TSPAN19: variants seen among roughly 807,000 people sequenced by gnomAD.
TSPAN19 encodes tetraspanin 19.
In TSPAN19, 44 loss-of-function variants were observed where a neutral mutation model predicts 35.1. The observed-to-expected ratio is 1.25, with a 90% confidence interval of 0.98 to 1.61. The LOEUF is 1.61. TSPAN19 is among the 40% of genes most tolerant of loss of function. The pLI is 0.00. For synonymous variants in TSPAN19, 79 were observed against 92.0 expected (o/e 0.86, Z 0.81); for missense variants, 290 against 280.0 (o/e 1.04, Z -0.26).
chr12:85,035,906 A>T (rs1877980615), intron 1 of TSPAN19, among the ~76,000 whole-genome samples: 1 of 151,914 alleles, frequency 6.6e-6, no homozygotes, highest in African/African-American at 2.4e-5. Context: ...TTGATTGATG[A>T]TTTTTTTCTT....
intron 1 of TSPAN19, among the ~76,000 whole-genome samples, chr12:85,033,329 A>G (rs1338392238): frequency 6.6e-6 from 1 of 152,104 alleles, no homozygotes; most frequent in African/African-American, 2.4e-5. Context: ...ATTGTGACAA[A>G]TCTTATATGC....
chr12:85,019,770 T>C, intron 5 of TSPAN19, 34 bp from the exon 6 acceptor site: 1 of 1,250,578 alleles, frequency 8.0e-7, no homozygotes, highest in Non-Finnish European at 1.1e-6. Flanking sequence ...GAAAATTTCA[T>C]AGGAATGTAT....
rs1423031821 is a variant in TSPAN19, at chr12:85,030,010, C to A, written c.-27-37G>T. 4 of 1,316,680 alleles carry A rather than the reference C, an allele frequency of 3.0e-6. No individual in the cohort carries two copies. The East Asian group carries it at 1.0e-4, about 34-fold the overall frequency. The allele number at this position is 1,316,680 out of a possible 1,614,324, so 81.6% of individuals were successfully genotyped here. Reference sequence around the variant, plus strand: ...ACCATAACTTTTTAAACATTCTACACAACAACTTTAAATATTTCTCCCTAC... The same window carrying A: ...ACCATAACTTTTTAAACATTCTACAAAACAACTTTAAATATTTCTCCCTAC... On this transcript the variant is annotated intron_variant, in intron 1 of 8. Transcript: ENST00000532498.
At chr12:85,022,236 C>T (rs1877168330) in intron 5 of TSPAN19, among the ~76,000 whole-genome samples, 1 of 152,022 alleles carries the variant, frequency 6.6e-6, no homozygotes, top group African/African-American at 2.4e-5. Flanking sequence ...CACACACACA[C>T]ACACATACAT....
In TSPAN19 at chr12:85,027,951, C is replaced by CA; in HGVS notation, c.211dup (p.Cys71LeufsTer50). On this transcript the variant is annotated frameshift_variant, in exon 4 of 9. Coordinates refer to ENST00000532498, the MANE Select transcript of TSPAN19 (RefSeq NM_001100917.2). LOFTEE classifies it high-confidence loss of function. Reference sequence around the variant, plus strand: ...GTGAATTCCTATATAACCCAATAGACAAAAAAGAACAGTAGAAGATCCCAT... The same window carrying CA: ...GTGAATTCCTATATAACCCAATAGACAAAAAAAGAACAGTAGAAGATCCCAT... 1.3e-6 allele frequency: 2 copies of CA among 1,596,984 alleles called. No homozygotes were observed. The highest frequency in any genetic ancestry group is 1.7e-6 in the Non-Finnish European group (2 of 1,171,120).
At chr12:85,017,658 G>A in intron 6 of TSPAN19, 59 bp from the exon 7 acceptor site, 1 of 1,330,530 alleles carries the variant, frequency 7.5e-7, no homozygotes, top group Non-Finnish European at 1.0e-6. Flanking sequence ...TTAATTATAT[G>A]AGATTAATAT....
In TSPAN19 at chr12:85,016,123, A is replaced by G. The variant is rs1006339243; in HGVS notation, c.595-152T>C. On this transcript the variant is annotated intron_variant, in intron 7 of 8. Transcript: ENST00000532498. ...AATTGGCGAACTGGACTTTTAGTCCAGAAAGCTTTCTACGGCAGCAGGACA... is the reference window on the plus strand; with the variant it reads ...AATTGGCGAACTGGACTTTTAGTCCGGAAAGCTTTCTACGGCAGCAGGACA... 3.7e-5 allele frequency: 19 copies of G among 511,662 alleles called. No individual in the cohort carries two copies. In the South Asian group the frequency reaches 3.8e-4, roughly 10 times the overall value. 31.7% of individuals were successfully genotyped at this position (511,662 alleles called of 1,614,324 possible).
At chr12:85,029,369 T>C (rs1877574628) in intron 3 of TSPAN19, among the ~76,000 whole-genome samples, 1 of 152,152 alleles carries the variant, frequency 6.6e-6, no homozygotes, top group Non-Finnish European at 1.5e-5. Flanking sequence ...ACATACAATA[T>C]ATATAGTGAT....
At chr12:85,018,856 G>T (rs920319275) in intron 6 of TSPAN19, among the ~76,000 whole-genome samples, 1 of 151,766 alleles carries the variant, frequency 6.6e-6, no homozygotes, top group Admixed American at 6.6e-5. Flanking sequence ...TTATAGGGTT[G>T]GGAGGACTGA....
chr12:85,029,365 A>AAC (rs1296337799), intron 3 of TSPAN19, among the ~76,000 whole-genome samples: 2 of 152,126 alleles, frequency 1.3e-5, no homozygotes, highest in African/African-American at 2.4e-5. Context: ...TGATACATAC[A>AAC]ATATATATAG....
chr12:85,019,583 TG>T, intron 6 of TSPAN19, 42 bp downstream of exon 6: 1 of 1,190,428 alleles, frequency 8.4e-7, no homozygotes, highest in Non-Finnish European at 1.3e-6. Flanking sequence ...TGTCCCACAG[TG>T]GTCAATACTG....
chr12:85,026,386 A>G (rs1877412828), intron 4 of TSPAN19, among the ~76,000 whole-genome samples: 1 of 152,190 alleles, frequency 6.6e-6, no homozygotes, highest in South Asian at 2.1e-4. Context: ...GCCTTGGAGG[A>G]GAATAAGAAG....
chr12:85,035,996 T>G (rs1468916158), intron 1 of TSPAN19, among the ~76,000 whole-genome samples: 3 of 152,156 alleles, frequency 2.0e-5, no homozygotes, highest in African/African-American at 7.2e-5. Context: ...TCTTCCATAC[T>G]TCTATGTCCC....
intron 5 of TSPAN19, among the ~76,000 whole-genome samples, chr12:85,021,368 T>C (rs938342903): frequency 6.6e-6 from 1 of 152,054 alleles, no homozygotes; most frequent in Non-Finnish European, 1.5e-5. Flanking sequence ...GTTACTTATA[T>C]ATCTGTATTT....
At chr12:85,026,014 G>C (rs1180336667) in intron 4 of TSPAN19, among the ~76,000 whole-genome samples, 1 of 152,140 alleles carries the variant, frequency 6.6e-6, no homozygotes, top group East Asian at 1.9e-4. Flanking sequence ...TAGTATCTTG[G>C]TTCCAGGCCC....
At chr12:85,019,127 A>G (rs1876978002) in intron 6 of TSPAN19, among the ~76,000 whole-genome samples, 1 of 151,906 alleles carries the variant, frequency 6.6e-6, no homozygotes, top group South Asian at 2.1e-4. Flanking sequence ...TAGCCTTTCT[A>G]TAATATATAG....
intron 4 of TSPAN19, among the ~76,000 whole-genome samples, chr12:85,026,303 C>A (rs903629737): frequency 2.5e-4 from 38 of 152,108 alleles, no homozygotes; most frequent in Non-Finnish European, 4.4e-5. Context: ...TATCCAAAAT[C>A]TGAAGCTCAG....
intron 4 of TSPAN19, among the ~76,000 whole-genome samples, chr12:85,027,639 T>C (rs201405095): frequency 6.6e-6 from 1 of 152,102 alleles, no homozygotes; most frequent in Non-Finnish European, 1.5e-5. Flanking sequence ...CCCTAGGAGA[T>C]GGAGAGTCCT....
Position 85,023,338 on chromosome 12 carries a change from T to G in TSPAN19, c.327A>C (p.Thr109=), listed in dbSNP as rs1478442651. 6.3e-7 allele frequency: 1 copy of G among 1,583,660 alleles called. No homozygotes were observed. The highest frequency in any genetic ancestry group is 1.2e-5 in the South Asian group (1 of 86,284). Residue 109 remains threonine, a synonymous_variant, in exon 5 of 9, where the codon ACA becomes ACC. Coordinates refer to ENST00000532498, the MANE Select transcript of TSPAN19 (RefSeq NM_001100917.2). The stretch of plus-strand genomic sequence containing the variant: ...TTACTTTCCATACCTCCTCTTTCTT[T>G]GTGATGATGAATGCTGAAAGTACAA... ...VQVVLSAFII[T]KKEEVQQLWH... is the part of the protein sequence containing the mutation.
Sources: allele counts gnomAD v4.1 joint callset (sites outside exome capture counted in the v4.1 genomes callset), GRCh38; gene constraint gnomAD v4.1.1; transcripts MANE v1.5; gene names NCBI Gene and HGNC (gene_info 2026-07-23, HGNC 2026-07-21).